SOX6: variants seen among roughly 807,000 people sequenced by gnomAD.
The protein encoded by SOX6 is transcription factor SOX-6.
A neutral mutation model predicts 97.8 loss-of-function variants in SOX6; 11 were observed. The ratio of observed to expected loss-of-function variants is 0.11; its 90% confidence interval spans 0.07 to 0.19. The LOEUF (loss-of-function observed/expected upper bound fraction) is 0.19, where lower values mean the gene tolerates loss of function less well. Among genes scored for constraint, SOX6 ranks in the 10% least tolerant of loss-of-function variants. The pLI is 1.00. For synonymous variants in SOX6, 360 were observed against 371.4 expected, an observed-to-expected ratio of 0.97 and a Z score of 0.35; for missense variants, 810 against 1,039.5, an observed-to-expected ratio of 0.78 and a Z score of 3.04.
intron 3 of SOX6, among the ~76,000 whole-genome samples, chr11:16,635,625 C>T (rs1332078417): frequency 6.6e-6 from 1 of 152,188 alleles, no homozygotes; most frequent in East Asian, 1.9e-4. Flanking sequence ...TAAGAAGGAG[C>T]CAAATGCTAA....
At chr11:16,519,559 G>GAT (rs143401070) in intron 4 of SOX6, among the ~76,000 whole-genome samples, 160 of 150,200 alleles carry the variant, frequency 1.1e-3, no homozygotes, top group African/African-American at 2.2e-3. Flanking sequence ...AGTATTCTAT[G>GAT]ATATATATAT....
At chr11:16,320,325 A>T (rs1855879859) in intron 2 of SOX6, among the ~76,000 whole-genome samples, 1 of 152,162 alleles carries the variant, frequency 6.6e-6, no homozygotes, top group African/African-American at 2.4e-5. Flanking sequence ...CATGGGGCAA[A>T]AGTTACACAG....
At chr11:16,235,176 A>C (rs1852978941) in intron 3 of SOX6, among the ~76,000 whole-genome samples, 1 of 152,070 alleles carries the variant, frequency 6.6e-6, no homozygotes. Flanking sequence ...AATTAAAGCA[A>C]AACAAGAAGA....
intron 4 of SOX6, among the ~76,000 whole-genome samples, chr11:16,189,818 T>C (rs548176905): frequency 2.6e-5 from 4 of 152,188 alleles, no homozygotes; most frequent in Non-Finnish European, 5.9e-5. Context: ...AGAAGGTTTA[T>C]TGGATATAGT....
chr11:16,015,421 T>C (rs1187913905), intron 12 of SOX6: 1 of 230,578 alleles, frequency 4.3e-6, no homozygotes, highest in Non-Finnish European at 8.6e-6. Context: ...CTCAATTTAA[T>C]GGGAGAGGAA....
intron 1 of SOX6, among the ~76,000 whole-genome samples, chr11:16,411,085 T>C (rs1455342093): frequency 6.6e-6 from 1 of 152,056 alleles, no homozygotes; most frequent in East Asian, 1.9e-4. Flanking sequence ...ATTTTATCCA[T>C]TTTAAATTGT....
chr11:16,302,656 G>A lies in SOX6; in HGVS notation c.445+15790C>T, dbSNP rs150815497. 7.5e-4 allele frequency among the ~76,000 whole-genome samples: 101 copies of A among 135,010 alleles called. 1 individual carries two copies. Among genetic ancestry groups the A allele is most frequent in the African/African-American group, 2.7e-3 (95 of 35,540 alleles). The allele number at this position is 135,010 out of a possible 152,430, so 88.6% of individuals were successfully genotyped here. ...ACGATCTCAGGTCACTGCAACCTTCGCTTGCTGGGTTCACGTGATTCTCCT... is the reference window on the plus strand; with the variant it reads ...ACGATCTCAGGTCACTGCAACCTTCACTTGCTGGGTTCACGTGATTCTCCT... On this transcript the variant is annotated intron_variant, in intron 3 of 15. Transcript: ENST00000683767.
At chr11:16,704,329 T>G (rs1848115789) in intron 3 of SOX6, among the ~76,000 whole-genome samples, 2 of 152,182 alleles carry the variant, frequency 1.3e-5, no homozygotes, top group African/African-American at 4.8e-5. Context: ...CCCACTTACA[T>G]TTCTACTGTT....
At chr11:16,694,303 G>A (rs1440490812) in intron 3 of SOX6, among the ~76,000 whole-genome samples, 1 of 152,200 alleles carries the variant, frequency 6.6e-6, no homozygotes, top group Admixed American at 6.5e-5. Flanking sequence ...CATGACAGGA[G>A]GATGGTTTGA....
intron 6 of SOX6, among the ~76,000 whole-genome samples, chr11:16,130,597 A>C (rs1473875765): frequency 6.6e-6 from 1 of 152,022 alleles, no homozygotes; most frequent in Non-Finnish European, 1.5e-5. Flanking sequence ...GATTCAACAC[A>C]ACTCAAATCA....
chr11:15,973,155 C>A, intron 15 of SOX6, 43 bp from the exon 16 acceptor site: 1 of 1,591,862 alleles, frequency 6.3e-7, no homozygotes, highest in South Asian at 1.1e-5. Flanking sequence ...GGAGAAATAT[C>A]TATATATGTG....
rs547003319 is a variant in SOX6 at position 16,080,090 on chromosome 11, TA to T, written c.1101+15905del. Among the ~76,000 whole-genome samples the T allele has an allele frequency of 5.2e-4, 72 of 137,998 alleles. 1 individual carries two copies. The highest frequency in any genetic ancestry group is 3.1e-3 in the East Asian group (15 of 4,844). The allele number at this position is 137,998 out of a possible 152,430, so 90.5% of individuals were successfully genotyped here. A position where few individuals can be genotyped will look rare whatever the true frequency, so the allele number is the denominator to read the frequency against. Reference sequence around the variant, plus strand: ...TGTACCCTAAAACTTAAAGTATAATTAAAAAAAAAAACATTCTCATCACACC... The same window carrying T: ...TGTACCCTAAAACTTAAAGTATAATTAAAAAAAAAACATTCTCATCACACC... On this transcript the variant is annotated intron_variant, in intron 9 of 15. Transcript: ENST00000683767.
At chr11:16,274,454 GTGGT>G (rs1854339658) in intron 3 of SOX6, among the ~76,000 whole-genome samples, 1 of 151,856 alleles carries the variant, frequency 6.6e-6, no homozygotes, top group African/African-American at 2.4e-5. Context: ...TTTCTAGGTG[GTGGT>G]ATTAATTTTT....
intron 4 of SOX6, among the ~76,000 whole-genome samples, chr11:16,550,831 T>C (rs1475192914): frequency 3.3e-5 from 5 of 152,180 alleles, no homozygotes; most frequent in African/African-American, 1.2e-4. Flanking sequence ...GCAACCATAA[T>C]TAAAAAGTAT....
intron 3 of SOX6, among the ~76,000 whole-genome samples, chr11:16,284,838 T>A (rs1236140511): frequency 2.0e-5 from 3 of 152,156 alleles, no homozygotes; most frequent in African/African-American, 7.2e-5. Flanking sequence ...TTGTCCCATG[T>A]GCCTACCACT....
At chr11:15,993,690 T>C (rs1198842073) in intron 13 of SOX6, among the ~76,000 whole-genome samples, 1 of 152,216 alleles carries the variant, frequency 6.6e-6, no homozygotes, top group Non-Finnish European at 1.5e-5. Flanking sequence ...TCTCAGTTTG[T>C]GTAAAGGCAA....
intron 7 of SOX6, among the ~76,000 whole-genome samples, chr11:16,098,383 A>G (rs1848855590): frequency 6.6e-6 from 1 of 151,864 alleles, no homozygotes; most frequent in Non-Finnish European, 1.5e-5. Context: ...TGCGCATTTT[A>G]CATGGAATAT....
intron 1 of SOX6, among the ~76,000 whole-genome samples, chr11:16,450,109 C>T (rs932183639): frequency 3.3e-5 from 5 of 152,106 alleles, no homozygotes; most frequent in African/African-American, 1.2e-4. Flanking sequence ...TGGAAACTGC[C>T]TACAAATAGA....
At chr11:16,232,173 A>T (rs1852873649) in intron 4 of SOX6, among the ~76,000 whole-genome samples, 1 of 151,954 alleles carries the variant, frequency 6.6e-6, no homozygotes, top group South Asian at 2.1e-4. Context: ...CAGGAAAATG[A>T]GAAGTAATTT....
Sources: gnomAD v4.1 joint callset for allele counts (sites outside exome capture counted in the v4.1 genomes callset) on GRCh38, gnomAD v4.1.1 for gene constraint, MANE v1.5 for transcripts, NCBI Gene and HGNC (gene_info 2026-07-23, HGNC 2026-07-21) for gene names.